Variants in PDZRN3 observed in about 807,000 individuals in gnomAD.
PDZRN3 encodes PDZ domain containing ring finger 3.
Under a neutral mutation model 85.7 loss-of-function variants are expected in PDZRN3, and 38 were observed. That is an observed-to-expected ratio of 0.44 (90% CI 0.34 to 0.58). The LOEUF (loss-of-function observed/expected upper bound fraction) is 0.58, where lower values mean the gene tolerates loss of function less well. Among genes scored for constraint, PDZRN3 ranks in the 20% least tolerant of loss-of-function variants. The pLI is 0.01. For missense variants in PDZRN3, 1,629 were observed against 1,506.4 expected (o/e 1.08, Z -1.35); for synonymous variants, 759 against 638.0 (o/e 1.19, Z -2.86).
At chr3:73,540,448 T>A (rs984260912) in intron 3 of PDZRN3, among the ~76,000 whole-genome samples, 5 of 152,166 alleles carry the variant, frequency 3.3e-5, no homozygotes, top group African/African-American at 1.2e-4. Flanking sequence ...TTTGGCTGTG[T>A]CCCCACCCAA....
intron 3 of PDZRN3, among the ~76,000 whole-genome samples, chr3:73,558,807 T>C (rs1701757195): frequency 6.6e-6 from 1 of 152,226 alleles, no homozygotes. Context: ...CTCTTAATCA[T>C]GGACTCTCTT....
intron 3 of PDZRN3, among the ~76,000 whole-genome samples, chr3:73,600,331 A>ACTCTCTCTCTCTCT (rs1236234605): frequency 1.2e-5 from 1 of 85,956 alleles, no homozygotes; most frequent in African/African-American, 4.9e-5. Context: ...ACACACACAC[A>ACTCTCTCTCTCTCT]CACACACTCT....
intron 3 of PDZRN3, among the ~76,000 whole-genome samples, chr3:73,568,087 T>C (rs76350149): frequency 0.11 from 17,137 of 151,824 alleles, 1,101 homozygotes; most frequent in Admixed American, 0.17. Flanking sequence ...GCAACAAAGA[T>C]AGGGGATTAG....
At chr3:73,452,025 A>G (rs1432741562) in intron 3 of PDZRN3, among the ~76,000 whole-genome samples, 1 of 152,184 alleles carries the variant, frequency 6.6e-6, no homozygotes, top group Non-Finnish European at 1.5e-5. Context: ...AATGTGGGTA[A>G]GCAATAACCT....
At chr3:73,540,852 C>T (rs982314463) in intron 3 of PDZRN3, among the ~76,000 whole-genome samples, 3 of 152,146 alleles carry the variant, frequency 2.0e-5, no homozygotes, top group African/African-American at 7.2e-5. Context: ...TACAATTTAG[C>T]AGAAAGTTAC....
At chr3:73,573,816 CATATACATATACA>C (rs1702078683) in intron 3 of PDZRN3, among the ~76,000 whole-genome samples, 1 of 46,680 alleles carries the variant, frequency 2.1e-5, no homozygotes, top group Non-Finnish European at 4.1e-5. Flanking sequence ...TACACCTATA[CATATACATATACA>C]TATACATATA....
At chr3:73,614,169 A>G (rs935738737) in intron 1 of PDZRN3, among the ~76,000 whole-genome samples, 5 of 152,242 alleles carry the variant, frequency 3.3e-5, no homozygotes, top group Admixed American at 2.0e-4. Context: ...GTCTAATTGG[A>G]TAAGAATTGG....
chr3:73,622,048 G>A (rs769729427), intron 1 of PDZRN3, among the ~76,000 whole-genome samples: 12 of 152,180 alleles, frequency 7.9e-5, no homozygotes, highest in South Asian at 2.1e-4. Flanking sequence ...TTAAAACGAC[G>A]AAGGAAGTCC....
chr3:73,385,487 A>C (rs1701354933), intron 9 of PDZRN3, among the ~76,000 whole-genome samples, 182 bp downstream of exon 9: 1 of 152,274 alleles, frequency 6.6e-6, no homozygotes, highest in African/African-American at 2.4e-5. Context: ...AGCTAGGGAC[A>C]GTACCAGCTT....
chr3:73,619,601 C>T (rs1436589122), intron 1 of PDZRN3, among the ~76,000 whole-genome samples: 3 of 152,176 alleles, frequency 2.0e-5, no homozygotes, highest in African/African-American at 7.2e-5. Context: ...TAAGATTGTT[C>T]CAGGTAGACA....
At chr3:73,562,495 C>T (rs1427409521) in intron 3 of PDZRN3, among the ~76,000 whole-genome samples, 2 of 152,172 alleles carry the variant, frequency 1.3e-5, no homozygotes, top group Admixed American at 1.3e-4. Context: ...GTAAACTACA[C>T]ACAAAGTATA....
Position 73,389,825 on chromosome 3 carries a change from G to T in PDZRN3, c.1407C>A (p.Arg469=). Residue 469 remains arginine (R), a synonymous_variant, in exon 7 of 10, where the codon CGC becomes CGA. Coordinates refer to ENST00000263666, the MANE Select transcript of PDZRN3 (RefSeq NM_015009.3). ...TTGGAAGTGGACTTACCTGGATAAT[G>T]CGGTCTCCTTCTCGGATGCGCCCAT... is the stretch of plus-strand genomic sequence containing the variant. ...AKDGRIREGD[R]IIQINGIEVQ... is the part of the protein sequence containing the mutation. The T allele has an allele frequency of 6.2e-7, 1 of 1,612,230 alleles. No homozygotes were observed. The highest frequency in any genetic ancestry group is 8.5e-7 in the Non-Finnish European group (1 of 1,178,256).
At chr3:73,531,560 ACTT>A (rs1488137533) in intron 3 of PDZRN3, among the ~76,000 whole-genome samples, 1 of 151,952 alleles carries the variant, frequency 6.6e-6, no homozygotes, top group African/African-American at 2.4e-5. Flanking sequence ...CCCAAATACT[ACTT>A]CTGATTAGTT....
At chr3:73,534,145 G>A (rs771170009) in intron 3 of PDZRN3, among the ~76,000 whole-genome samples, 36 of 152,150 alleles carry the variant, frequency 2.4e-4, no homozygotes, top group Non-Finnish European at 4.3e-4. Flanking sequence ...TTACAAGTGA[G>A]CAAATGATTG....
Position 73,450,710 on chromosome 3 carries a change from A to G in PDZRN3, c.919-46315T>C, listed in dbSNP as rs539544395. On this transcript the variant is annotated intron_variant, in intron 3 of 9. Coordinates refer to ENST00000263666, the MANE Select transcript of PDZRN3 (RefSeq NM_015009.3). ...AGGCATTTTTGCATTTCTGCTAACTAGAGTAGGAAGAGGAGGAAAACCATC... is the reference window on the plus strand; with the variant it reads ...AGGCATTTTTGCATTTCTGCTAACTGGAGTAGGAAGAGGAGGAAAACCATC... Among the ~76,000 whole-genome samples the G allele has an allele frequency of 5.3e-5, 8 of 152,346 alleles. No individual in the cohort carries two copies. In the East Asian group the frequency reaches 1.5e-3, roughly 29 times the overall value.
intron 3 of PDZRN3, among the ~76,000 whole-genome samples, chr3:73,493,531 T>C (rs1703814055): frequency 6.6e-6 from 1 of 152,028 alleles, no homozygotes; most frequent in African/African-American, 2.4e-5. Context: ...TAAGCACTCA[T>C]GGAAAATCAG....
intron 3 of PDZRN3, among the ~76,000 whole-genome samples, chr3:73,534,754 C>A (rs572280420): frequency 6.6e-6 from 1 of 152,294 alleles, no homozygotes; most frequent in East Asian, 1.9e-4. Flanking sequence ...TATCTTTTGA[C>A]ACTGATGATT....
chr3:73,586,840 C>G (rs1702284921), intron 3 of PDZRN3, among the ~76,000 whole-genome samples: 5 of 152,186 alleles, frequency 3.3e-5, no homozygotes. Context: ...AGCTATGTCC[C>G]TTTGTGGTAA....
At chr3:73,492,316 T>C (rs1224371969) in intron 3 of PDZRN3, among the ~76,000 whole-genome samples, 1 of 152,194 alleles carries the variant, frequency 6.6e-6, no homozygotes, top group Non-Finnish European at 1.5e-5. Context: ...TAACTAGGGC[T>C]CTGGAGTAGC....
Sources: allele counts gnomAD v4.1 joint callset (sites outside exome capture counted in the v4.1 genomes callset), GRCh38; gene constraint gnomAD v4.1.1; transcripts MANE v1.5; gene names NCBI Gene and HGNC (gene_info 2026-07-23, HGNC 2026-07-21).